ROR1: variants seen among roughly 807,000 people sequenced by gnomAD.
ROR1 encodes inactive tyrosine-protein kinase transmembrane receptor ROR1.
A neutral mutation model predicts 78.8 loss-of-function variants in ROR1; 19 were observed. The ratio of observed to expected loss-of-function variants is 0.24; its 90% CI spans 0.17 to 0.35. ROR1 has a LOEUF of 0.35. Ranked by LOEUF, ROR1 falls within the 10% of genes least tolerant of loss-of-function variation. The pLI is 1.00. For missense variants in ROR1, 917 were observed against 1,177.8 expected, an observed-to-expected ratio of 0.78 and a Z score of 3.24; for synonymous variants, 386 against 433.6, an observed-to-expected ratio of 0.89 and a Z score of 1.36.
In ROR1 at chr1:64,178,034, A is replaced by G. The variant is rs1182989456; in HGVS notation, c.1993A>G (p.Met665Val). 1.2e-6 allele frequency: 2 copies of G among 1,614,058 alleles called. No individual in the cohort carries two copies. The highest frequency in any genetic ancestry group is 1.1e-5 in the South Asian group (1 of 91,084). ...TCGCTGGATGCCCCCTGAAGCCATC[A>G]TGTATGGCAAATTCTCTTCTGATTC... The part of the protein sequence containing the change: ...PIRWMPPEAI[M>V]YGKFSSDSDI... Residue 665 changes from methionine (M) to valine (V), a missense_variant, in exon 9 of 9, where the codon ATG becomes GTG. By Grantham distance (21) the Met-to-Val change is conservative (BLOSUM62 1). Around this residue, in one of 3 missense-constraint regions of ROR1, gnomAD observed 835 missense variants for 1,069.8 expected, o/e 0.78. Coordinates refer to ENST00000371079, the MANE Select transcript of ROR1 (RefSeq NM_005012.4). This position sits in a 1 kb window ranked among gnomAD's most constrained non-coding sequence, Gnocchi z 4.3.
intron 1 of ROR1, among the ~76,000 whole-genome samples, chr1:63,953,958 G>T (rs181630961): frequency 1.6e-4 from 24 of 152,288 alleles, no homozygotes; most frequent in African/African-American, 5.8e-4. Flanking sequence ...GGTTGAATCT[G>T]GGGCAGCAGC....
chr1:63,924,219 A>G (rs1645680544), intron 1 of ROR1, among the ~76,000 whole-genome samples: 1 of 152,108 alleles, frequency 6.6e-6, no homozygotes, highest in South Asian at 2.1e-4. Flanking sequence ...TCATGTACTC[A>G]GCACTACTTG....
At chr1:64,143,037 A>G (rs763162411) in intron 7 of ROR1, 27 of 1,088,134 alleles carry the variant, frequency 2.5e-5, no homozygotes, top group Non-Finnish European at 3.0e-5. Flanking sequence ...TGTTTTCTGT[A>G]TGCCTTAAGA....
At chr1:64,029,870 T>C (rs542865418) in intron 2 of ROR1, among the ~76,000 whole-genome samples, 1 of 152,348 alleles carries the variant, frequency 6.6e-6, no homozygotes, top group Non-Finnish European at 1.5e-5. Context: ...TGTATTTTCA[T>C]TTCTCCATGG....
chr1:64,081,093 A>G lies in ROR1; in HGVS notation c.482+30377A>G, dbSNP rs1647097780. ...CCCTACCCCTGAAGAATCCTAGGAAAGCCTCCCTTACTACACTTCATGACT... is the reference window on the plus strand; with the variant it reads ...CCCTACCCCTGAAGAATCCTAGGAAGGCCTCCCTTACTACACTTCATGACT... On this transcript the variant is annotated intron_variant, in intron 4 of 8. Coordinates refer to ENST00000371079, the MANE Select transcript of ROR1 (RefSeq NM_005012.4). Among the ~76,000 whole-genome samples the G allele has an allele frequency of 2.0e-5, 3 of 152,168 alleles. No homozygotes were observed. The South Asian group carries it at 6.2e-4, about 32-fold the overall frequency.
intron 1 of ROR1, among the ~76,000 whole-genome samples, chr1:63,892,138 G>C (rs937387335): frequency 7.2e-5 from 11 of 152,144 alleles, no homozygotes; most frequent in Admixed American, 1.3e-4. Flanking sequence ...AATAGTGCTA[G>C]GTGCTGGAAA....
chr1:63,926,203 G>A (rs1645702110), intron 1 of ROR1, among the ~76,000 whole-genome samples: 1 of 150,176 alleles, frequency 6.7e-6, no homozygotes. Flanking sequence ...AAGGTGTAAG[G>A]AAGGGATCCA....
chr1:63,926,468 C>T (rs1469581530), intron 1 of ROR1, among the ~76,000 whole-genome samples: 3 of 152,114 alleles, frequency 2.0e-5, no homozygotes, highest in African/African-American at 7.2e-5. Context: ...GTTCTTTCAG[C>T]TTAGGATTGA....
chr1:63,927,871 T>A (rs1436639231), intron 1 of ROR1, among the ~76,000 whole-genome samples: 1 of 152,182 alleles, frequency 6.6e-6, no homozygotes, highest in Non-Finnish European at 1.5e-5. Context: ...ATTTGGTTGA[T>A]GCTCTTTTCA....
intron 1 of ROR1, among the ~76,000 whole-genome samples, chr1:63,962,036 G>A (rs1007381221): frequency 2.6e-5 from 4 of 152,136 alleles, no homozygotes; most frequent in African/African-American, 4.8e-5. Flanking sequence ...CAGGCAGGAG[G>A]ATCCGTTGAG....
chr1:63,796,851 G>A (rs981963091), intron 1 of ROR1, among the ~76,000 whole-genome samples: 1 of 152,198 alleles, frequency 6.6e-6, no homozygotes, highest in African/African-American at 2.4e-5. Flanking sequence ...GTGGTCCAGA[G>A]AGCAGCGGGC....
chr1:64,173,878 G>T (rs2100742792), intron 8 of ROR1, among the ~76,000 whole-genome samples: 1 of 152,092 alleles, frequency 6.6e-6, no homozygotes, highest in African/African-American at 2.4e-5. Context: ...AGTTCTTGTT[G>T]CCTTCACCTT....
chr1:63,900,365 A>C (rs1004329583), intron 1 of ROR1, among the ~76,000 whole-genome samples: 1 of 150,340 alleles, frequency 6.7e-6, no homozygotes, highest in African/African-American at 2.4e-5. Flanking sequence ...GAGGCAGGAT[A>C]ATCGCTTGAG....
chr1:64,000,104 A>G (rs1466584801), intron 1 of ROR1, among the ~76,000 whole-genome samples: 1 of 152,222 alleles, frequency 6.6e-6, no homozygotes. Flanking sequence ...GGCAAACTCC[A>G]TAAGACAAAG....
chr1:63,931,242 A>G (rs1645750553), intron 1 of ROR1, among the ~76,000 whole-genome samples: 1 of 152,234 alleles, frequency 6.6e-6, no homozygotes, highest in Non-Finnish European at 1.5e-5. Flanking sequence ...AGATGGCGCT[A>G]CCATACTCCA....
At chr1:63,919,933 C>T (rs1015243128) in intron 1 of ROR1, among the ~76,000 whole-genome samples, 1 of 152,182 alleles carries the variant, frequency 6.6e-6, no homozygotes, top group Non-Finnish European at 1.5e-5. Flanking sequence ...TACCAAATAT[C>T]CGCTTAGCAG....
At chr1:63,880,351 C>T (rs1488041940) in intron 1 of ROR1, among the ~76,000 whole-genome samples, 2 of 152,064 alleles carry the variant, frequency 1.3e-5, no homozygotes, top group South Asian at 4.2e-4. Flanking sequence ...TCTCATGGGG[C>T]CTTTTCCAGC....
intron 1 of ROR1, among the ~76,000 whole-genome samples, chr1:63,955,122 C>T (rs1257153016): frequency 6.6e-6 from 1 of 152,090 alleles, no homozygotes; most frequent in African/African-American, 2.4e-5. Flanking sequence ...AGGCAGTGGA[C>T]GTGGATTAGG....
At chr1:63,898,311 G>T (rs1371034819) in intron 1 of ROR1, among the ~76,000 whole-genome samples, 1 of 38,882 alleles carries the variant, frequency 2.6e-5, no homozygotes, top group Non-Finnish European at 9.6e-5. Context: ...TTTCTGAATT[G>T]AAAGTAAAAA....
Sources: gnomAD v4.1 joint callset for allele counts (sites outside exome capture counted in the v4.1 genomes callset) on GRCh38, gnomAD v4.1.1 for gene constraint, gnomAD v4.1.1 regional missense constraint, Gnocchi (gnomAD v3.1) non-coding constraint, MANE v1.5 for transcripts, NCBI Gene and HGNC (gene_info 2026-07-23, HGNC 2026-07-21) for gene names.